Variants in KRAS observed in about 807,000 individuals in gnomAD.
KRAS encodes the protein GTPase KRas.
In KRAS, 1 loss-of-function variant was observed where a neutral mutation model predicts 21.0. The observed-to-expected ratio is 0.05, with a 90% CI of 0.02 to 0.23. KRAS has a LOEUF of 0.23. KRAS is among the 10% of genes least tolerant of loss of function. The probability of loss-of-function intolerance (pLI) is 1.00; values close to 1 mark genes in which losing one functional copy is unlikely to be tolerated. For synonymous variants in KRAS, 67 were observed against 72.5 expected (o/e 0.92, Z 0.39); for missense variants, 107 against 221.8 (o/e 0.48, Z 3.29).
chr12:25,228,498 A>T (rs1304802448), intron 2 of KRAS, among the ~76,000 whole-genome samples: 1 of 152,190 alleles, frequency 6.6e-6, no homozygotes, highest in Admixed American at 6.5e-5. Context: ...TGCTAAATGA[A>T]GTAAGCCAAC....
At chr12:25,222,578 T>C (rs1015412050) in intron 4 of KRAS, among the ~76,000 whole-genome samples, 6 of 152,182 alleles carry the variant, frequency 3.9e-5, no homozygotes, top group African/African-American at 1.2e-4. Flanking sequence ...GTACAAGTAT[T>C]CTTTCATACT....
At chr12:25,229,974 A>G (rs1951445139) in intron 2 of KRAS, among the ~76,000 whole-genome samples, 1 of 152,018 alleles carries the variant, frequency 6.6e-6, no homozygotes, top group African/African-American at 2.4e-5. Context: ...GGGTTTCACC[A>G]TGTTAGTCAG....
chr12:25,225,286 TTATATATATATA>T (rs68164603), intron 4 of KRAS: 3 of 10,624 alleles, frequency 2.8e-4, no homozygotes, highest in African/African-American at 4.6e-4. Context: ...GCCCTGTTCT[TTATATATATATA>T]TATATATATA....
chr12:25,227,920 T>G (rs1951413720), intron 2 of KRAS, among the ~76,000 whole-genome samples: 1 of 152,180 alleles, frequency 6.6e-6, no homozygotes, highest in Non-Finnish European at 1.5e-5. Context: ...CAGCACTATT[T>G]ATAATACCCA....
chr12:25,222,407 A>G (rs899476902), intron 4 of KRAS, among the ~76,000 whole-genome samples: 2 of 152,122 alleles, frequency 1.3e-5, no homozygotes, highest in Non-Finnish European at 2.9e-5. Flanking sequence ...AAGACTTTTG[A>G]AAGGCAAATT....
At chr12:25,231,258 T>C (rs1195323926) in intron 2 of KRAS, among the ~76,000 whole-genome samples, 2 of 151,990 alleles carry the variant, frequency 1.3e-5, no homozygotes, top group Non-Finnish European at 2.9e-5. Flanking sequence ...CGTGCCACTG[T>C]GTCCAGCTAA....
chr12:25,232,312 A>C, intron 2 of KRAS, among the ~76,000 whole-genome samples: 1 of 152,244 alleles, frequency 6.6e-6, no homozygotes, highest in East Asian at 1.9e-4. Context: ...TAAAAAAACA[A>C]AAACAAAAAC....
In KRAS at chr12:25,245,399, A is replaced by T. The variant is rs1286114925; in HGVS notation, c.-11-4T>A. 3 of 1,594,206 alleles carry T rather than the reference A, an allele frequency of 1.9e-6. No individual in the cohort carries two copies. The highest frequency in any genetic ancestry group is 8.6e-7 in the Non-Finnish European group (1 of 1,167,900). On this transcript the variant is annotated splice_region_variant and splice_polypyrimidine_tract_variant and intron_variant, in intron 1 of 4. Transcript: ENST00000311936. ...TATTCAGTCATTTTCAGCAGGCCTT[A>T]TAATAAAAATAATGAAAATGTGACT...
At chr12:25,250,593 A>G (rs1406136778) in intron 1 of KRAS, among the ~76,000 whole-genome samples, 158 bp downstream of exon 1, 6 of 149,666 alleles carry the variant, frequency 4.0e-5, no homozygotes, top group African/African-American at 1.5e-4. Context: ...TCCCCCCTGC[A>G]GACCCCTCTC....
intron 2 of KRAS, among the ~76,000 whole-genome samples, chr12:25,233,467 C>A (rs1951502809): frequency 6.6e-6 from 1 of 151,762 alleles, no homozygotes; most frequent in Non-Finnish European, 1.5e-5. Flanking sequence ...GGTGGGAGGA[C>A]TGCTTGAGCC....
chr12:25,222,285 T>C (rs1951336833), intron 4 of KRAS, among the ~76,000 whole-genome samples: 1 of 152,142 alleles, frequency 6.6e-6, no homozygotes, highest in Admixed American at 6.5e-5. Flanking sequence ...ATGTAAAATT[T>C]ATTAAAATTC....
At chr12:25,250,650 C>A (rs1458849259) in intron 1 of KRAS, 101 bp downstream of exon 1, 1 of 170,800 alleles carries the variant, frequency 5.9e-6, no homozygotes, top group Non-Finnish European at 1.3e-5. Flanking sequence ...CCCGCCCCTC[C>A]GGGGACCCCT....
intron 4 of KRAS, chr12:25,210,701 C>A (rs1951192331): frequency 2.6e-5 from 4 of 152,110 alleles, no homozygotes; most frequent in Admixed American, 2.6e-4. Flanking sequence ...CTGTTGTATT[C>A]AAAAGCTTGC....
At chr12:25,221,614 G>A (rs1259227214) in intron 4 of KRAS, among the ~76,000 whole-genome samples, 1 of 152,048 alleles carries the variant, frequency 6.6e-6, no homozygotes, top group African/African-American at 2.4e-5. Flanking sequence ...AAATGCAACA[G>A]ATACCACTTG....
At position 25,227,858 on chromosome 12, in the gene KRAS, A is replaced by C. The variant is rs528995589; in HGVS notation, c.112-446T>G. Among the ~76,000 whole-genome samples the C allele has an allele frequency of 2.0e-5, 3 of 152,304 alleles. No homozygotes were observed. In the East Asian group the frequency reaches 5.8e-4, roughly 29 times the overall value. ...AATTCCATTCCTAGGTATATAACCA[A>C]AATAACTAAAAACAGGGACTCAAAC... On this transcript the variant is annotated intron_variant, in intron 2 of 4. Transcript: ENST00000311936.
intron 2 of KRAS, among the ~76,000 whole-genome samples, chr12:25,230,979 A>T (rs1951459839): frequency 6.6e-6 from 1 of 152,128 alleles, no homozygotes; most frequent in East Asian, 1.9e-4. Flanking sequence ...ATGAAAAAGC[A>T]GGAGGTGGGA....
chr12:25,250,647 C>A (rs1489921365), intron 1 of KRAS, 104 bp downstream of exon 1: 2 of 170,612 alleles, frequency 1.2e-5, no homozygotes, highest in Non-Finnish European at 2.5e-5. Context: ...CCACCCGCCC[C>A]TCCGGGGACC....
intron 1 of KRAS, among the ~76,000 whole-genome samples, 198 bp from the exon 2 acceptor site, chr12:25,245,593 T>A (rs1161141456): frequency 2.0e-5 from 3 of 152,162 alleles, no homozygotes; most frequent in Non-Finnish European, 2.9e-5. Context: ...TGTACTTCAT[T>A]TACAAACTCC....
At chr12:25,238,144 A>G (rs1473592015) in intron 2 of KRAS, among the ~76,000 whole-genome samples, 1 of 152,262 alleles carries the variant, frequency 6.6e-6, no homozygotes, top group Non-Finnish European at 1.5e-5. Context: ...TTAAAATTAT[A>G]AGAATGGTGA....
Sources: allele counts gnomAD v4.1 joint callset (sites outside exome capture counted in the v4.1 genomes callset), GRCh38; gene constraint gnomAD v4.1.1; transcripts MANE v1.5; gene names NCBI Gene and HGNC (gene_info 2026-07-23, HGNC 2026-07-21).